TMEM131: variants seen among roughly 807,000 people sequenced by gnomAD.
TMEM131 encodes the protein 2610524E03Rik.
A neutral mutation model predicts 211.6 loss-of-function variants in TMEM131; 66 were observed. That is an observed-to-expected ratio of 0.31 (90% confidence interval 0.26 to 0.38). TMEM131 has a LOEUF of 0.38. Ranked by LOEUF, TMEM131 falls within the 10% of genes least tolerant of loss-of-function variation. The pLI, the probability that TMEM131 is intolerant of heterozygous loss-of-function variation, is 1.00. For missense variants in TMEM131, 2,036 were observed against 2,299.3 expected (o/e 0.89, Z 2.34); for synonymous variants, 844 against 841.3 (o/e 1.00, Z -0.06).
At chr2:97,890,481 T>C (rs1383996114) in intron 3 of TMEM131, among the ~76,000 whole-genome samples, 1 of 152,172 alleles carries the variant, frequency 6.6e-6, no homozygotes, top group East Asian at 1.9e-4. Context: ...AGTCATGACA[T>C]GGGAGGAGTG....
Position 97,995,888 on chromosome 2 carries a change from GGA to G in TMEM131, c.-228_-227del. The G allele has an allele frequency of 4.2e-6, 1 of 239,288 alleles. No individual in the cohort carries two copies. The highest frequency in any genetic ancestry group is 7.8e-6 in the Non-Finnish European group (1 of 128,116). 14.8% of individuals were successfully genotyped at this position (239,288 alleles called of 1,614,324 possible). ...GGCATCGCCTACAAGCAGTCGGAGC[GGA>G]GAGGCCGCGGGTCAGGCGCGGCGGG... On this transcript the variant is annotated 5_prime_UTR_variant, in exon 1 of 41. Coordinates refer to ENST00000186436, the MANE Select transcript of TMEM131 (RefSeq NM_015348.2).
intron 4 of TMEM131, among the ~76,000 whole-genome samples, chr2:97,877,240 T>C (rs1165582624): frequency 2.6e-5 from 4 of 152,194 alleles, no homozygotes; most frequent in Non-Finnish European, 5.9e-5. Context: ...TCCATGCTCA[T>C]GGATAGGAAG....
intron 6 of TMEM131, among the ~76,000 whole-genome samples, chr2:97,843,082 A>AC (rs71263506): frequency 7.2e-6 from 1 of 138,800 alleles, no homozygotes; most frequent in Non-Finnish European, 1.6e-5. Context: ...AAAAAAAAAA[A>AC]GCACAGGAAC....
intron 22 of TMEM131, among the ~76,000 whole-genome samples, chr2:97,804,499 C>T (rs1260031489): frequency 6.6e-6 from 1 of 151,574 alleles, no homozygotes; most frequent in African/African-American, 2.4e-5. Context: ...CCTATCTCTA[C>T]CAAAAATACA....
chr2:97,888,815 T>A (rs964371507), intron 3 of TMEM131, among the ~76,000 whole-genome samples: 4 of 152,192 alleles, frequency 2.6e-5, no homozygotes, highest in African/African-American at 4.8e-5. Flanking sequence ...ATGCCTAAAG[T>A]GTCAGAAATT....
intron 4 of TMEM131, among the ~76,000 whole-genome samples, chr2:97,873,394 TCTG>T (rs1182985708): frequency 6.6e-6 from 1 of 151,990 alleles, no homozygotes; most frequent in African/African-American, 2.4e-5. Flanking sequence ...GCGTTCGAGC[TCTG>T]CTGAAGGTCA....
chr2:97,769,754 G>A (rs762153436), intron 33 of TMEM131, among the ~76,000 whole-genome samples: 64 of 152,242 alleles, frequency 4.2e-4, no homozygotes, highest in Non-Finnish European at 7.5e-4. Flanking sequence ...TCCTGGTTCT[G>A]CAGAAACCTT....
chr2:97,858,022 T>A (rs1385695629), intron 5 of TMEM131, among the ~76,000 whole-genome samples: 5 of 152,252 alleles, frequency 3.3e-5, no homozygotes, highest in African/African-American at 1.2e-4. Context: ...TATGCTGATT[T>A]ATCAGTCCCT....
chr2:97,920,970 A>AGTGTGTGTGTGTGTGT (rs57343769), intron 2 of TMEM131, among the ~76,000 whole-genome samples: 2 of 146,630 alleles, frequency 1.4e-5, no homozygotes, highest in Non-Finnish European at 1.5e-5. Flanking sequence ...AAAAATCCCG[A>AGTGTGTGTGTGTGTGT]GTGTGTGTGT....
Position 97,762,113 on chromosome 2 carries a change from G to C in TMEM131, c.4811C>G (p.Ser1604Cys), listed in dbSNP as rs373750674. 7 of 1,613,324 alleles carry C rather than the reference G, an allele frequency of 4.3e-6. No homozygotes were observed. The highest frequency in any genetic ancestry group is 1.7e-5 in the Admixed American group (1 of 59,908). The change falls in exon 36 of 41, where the codon TCC (serine) becomes TGC (cysteine). Residue 1604 changes from serine to cysteine, a missense_variant. Physicochemically the swap from Ser to Cys is moderately radical, Grantham distance 112 (BLOSUM62 -1). Coordinates refer to ENST00000186436, the MANE Select transcript of TMEM131 (RefSeq NM_015348.2). Reference sequence around the variant, plus strand: ...GCAGGGGGCAGCTGGGGGAGACGGGGAAGCAGGTGTCGGTGAGGTCTGGCG... The same window carrying C: ...GCAGGGGGCAGCTGGGGGAGACGGGCAAGCAGGTGTCGGTGAGGTCTGGCG... ...KQRQTSPTPA[S>C]PSPPAAPCPF... is the part of the protein sequence containing the mutation.
At position 97,793,468 on chromosome 2, in the gene TMEM131, C is replaced by T; in HGVS notation, c.3472G>A (p.Ala1158Thr). 1 of 1,613,956 alleles carries T rather than the reference C, an allele frequency of 6.2e-7. No homozygotes were observed. The highest frequency in any genetic ancestry group is 8.5e-7 in the Non-Finnish European group (1 of 1,179,874). The change falls in exon 30 of 41, where the codon GCC (alanine) becomes ACC (threonine). Residue 1158 changes from alanine (A) to threonine (T), a missense_variant. This residue lies in a region of TMEM131 where 1,623 missense variants were observed against 1,805.9 expected (regional missense o/e 0.90). Coordinates refer to ENST00000186436, the MANE Select transcript of TMEM131 (RefSeq NM_015348.2). ...CCCACATCGAAGGGCGGGTTCGAGG[C>T]CTCAAAGGATAGCCGCCTTCGAAAT... Reference protein sequence around the residue: ...EPFRRRLSFEASNPPFDVGRP... With the variant: ...EPFRRRLSFETSNPPFDVGRP...
intron 1 of TMEM131, among the ~76,000 whole-genome samples, chr2:97,929,729 T>A (rs1280905970): frequency 6.6e-6 from 1 of 151,874 alleles, no homozygotes; most frequent in Non-Finnish European, 1.5e-5. Flanking sequence ...CTAACCAGTC[T>A]GTGGCATATA....
intron 40 of TMEM131, 25 bp from the exon 41 acceptor site, chr2:97,757,408 G>A: frequency 6.4e-7 from 1 of 1,554,880 alleles, no homozygotes; most frequent in Non-Finnish European, 8.7e-7. Context: ...AAAGCGTCCA[G>A]CACTGAGCCC....
chr2:97,847,730 A>G (rs551574780), intron 5 of TMEM131, among the ~76,000 whole-genome samples: 1 of 152,244 alleles, frequency 6.6e-6, no homozygotes, highest in Non-Finnish European at 1.5e-5. Flanking sequence ...GATGAAATTC[A>G]TATAAGTTCT....
At chr2:97,940,143 A>G (rs1677650149) in intron 1 of TMEM131, among the ~76,000 whole-genome samples, 1 of 152,158 alleles carries the variant, frequency 6.6e-6, no homozygotes, top group African/African-American at 2.4e-5. Flanking sequence ...CACCACTCCT[A>G]TTCTACATAG....
At chr2:97,981,028 CAAAAAAAAAAAAAAAAAAAAAAAAAAA>C (rs57606185) in intron 1 of TMEM131, among the ~76,000 whole-genome samples, 1 of 37,950 alleles carries the variant, frequency 2.6e-5, no homozygotes, top group Non-Finnish European at 4.6e-5. Flanking sequence ...AACTACACAC[CAAAAAAAAAAAAAAAAAAAAAAAAAAA>C]AAAAAAAAAA....
chr2:97,806,661 A>G (rs2104943462), intron 19 of TMEM131, among the ~76,000 whole-genome samples: 1 of 152,364 alleles, frequency 6.6e-6, no homozygotes, highest in South Asian at 2.1e-4. Context: ...TTAAAAAATT[A>G]AATAATTTAC....
intron 8 of TMEM131, among the ~76,000 whole-genome samples, chr2:97,836,159 C>T (rs995391758): frequency 6.6e-6 from 1 of 152,170 alleles, no homozygotes; most frequent in Non-Finnish European, 1.5e-5. Context: ...TTTCTTTTTG[C>T]TGGTTGTGTT....
chr2:97,939,762 C>A (rs1167202943), intron 1 of TMEM131, among the ~76,000 whole-genome samples: 1 of 152,098 alleles, frequency 6.6e-6, no homozygotes, highest in Admixed American at 6.5e-5. Context: ...AACATCGATG[C>A]AAAATCTTCA....
Sources: gnomAD v4.1 joint callset for allele counts (sites outside exome capture counted in the v4.1 genomes callset) on GRCh38, gnomAD v4.1.1 for gene constraint, gnomAD v4.1.1 regional missense constraint, MANE v1.5 for transcripts, NCBI Gene and HGNC (gene_info 2026-07-23, HGNC 2026-07-21) for gene names.